WLS: variants seen among roughly 807,000 people sequenced by gnomAD.
WLS encodes Wnt ligand secretion mediator.
A neutral mutation model predicts 62.8 loss-of-function variants in WLS; 23 were observed. That is an observed-to-expected ratio of 0.37 (90% CI 0.26 to 0.52). WLS has a LOEUF of 0.52. WLS is among the 20% of genes least tolerant of loss of function. The pLI is 0.92. For missense variants in WLS, 615 were observed against 697.3 expected (o/e 0.88, Z 1.33); for synonymous variants, 246 against 244.1 (o/e 1.01, Z -0.07).
rs1169986027 is a variant in WLS at position 68,126,283 on chromosome 1, G to A, written c.1569C>T (p.Thr523=). ...GEELQLTTTI[T]HVDGPTEIYK... ...AGATCTCAGTGGGTCCGTCCACATG[G>A]GTGATAGTGGTGGTGAGCTGGAGTT... is the stretch of plus-strand genomic sequence containing the variant. Residue 523 remains threonine, a synonymous_variant, in exon 12 of 12, where the codon ACC becomes ACT. Transcript: ENST00000262348. The A allele has an allele frequency of 6.2e-7, 1 of 1,612,292 alleles. No individual in the cohort carries two copies. The highest frequency in any genetic ancestry group is 1.7e-5 in the Admixed American group (1 of 59,854).
intron 2 of WLS, among the ~76,000 whole-genome samples, chr1:68,173,355 T>A (rs1402044283): frequency 6.6e-6 from 1 of 152,170 alleles, no homozygotes; most frequent in Non-Finnish European, 1.5e-5. Context: ...ACACTGTCAG[T>A]ACACAGAGCA....
intron 11 of WLS, among the ~76,000 whole-genome samples, chr1:68,102,038 C>CTG (rs1394087451): frequency 2.0e-5 from 3 of 152,174 alleles, no homozygotes; most frequent in African/African-American, 7.2e-5. Flanking sequence ...GCTGCAGACT[C>CTG]TGCACACACA....
At chr1:68,228,527 A>T (rs1650260151) in intron 1 of WLS, among the ~76,000 whole-genome samples, 1 of 152,204 alleles carries the variant, frequency 6.6e-6, no homozygotes, top group Admixed American at 6.5e-5. Flanking sequence ...CCAACATGAA[A>T]TCAAAAGAGA....
At chr1:68,151,339 G>T (rs1228458104) in intron 5 of WLS, among the ~76,000 whole-genome samples, 1 of 152,168 alleles carries the variant, frequency 6.6e-6, no homozygotes, top group Non-Finnish European at 1.5e-5. Flanking sequence ...TGCTCATGAA[G>T]AAACTTGCAT....
intron 1 of WLS, among the ~76,000 whole-genome samples, chr1:68,225,943 GC>G (rs1650122817): frequency 6.6e-6 from 1 of 152,172 alleles, no homozygotes; most frequent in Non-Finnish European, 1.5e-5. Flanking sequence ...TAACTTGGCT[GC>G]TTTAGTCAAT....
rs375237118 is a variant in WLS at position 68,127,915 on chromosome 1, G to A, written c.1517-1580C>T. Among the ~76,000 whole-genome samples, 12 of 152,156 alleles carry A rather than the reference G, an allele frequency of 7.9e-5. 1 individual carries two copies. The South Asian group carries it at 2.1e-3, about 26-fold the overall frequency. ...AGGCTGCTTGGCTGGTTCCCTTCAC[G>A]TGTGCCACGCAGTATTAGTTTCTCA... is the stretch of plus-strand genomic sequence containing the variant. On this transcript the variant is annotated intron_variant, in intron 11 of 11. Transcript: ENST00000262348.
At chr1:68,201,573 C>A (rs538787725) in intron 1 of WLS, among the ~76,000 whole-genome samples, 4 of 152,202 alleles carry the variant, frequency 2.6e-5, no homozygotes, top group Non-Finnish European at 4.4e-5. Flanking sequence ...AGAGACTAGA[C>A]CAGAAGTGAT....
intron 3 of WLS, among the ~76,000 whole-genome samples, chr1:68,158,120 T>G (rs1405979339): frequency 1.3e-5 from 2 of 152,158 alleles, no homozygotes; most frequent in Non-Finnish European, 2.9e-5. Flanking sequence ...CTCTCAAACT[T>G]CATAGAGTTT....
At chr1:68,231,501 C>A in intron 1 of WLS, 1 of 305,022 alleles carries the variant, frequency 3.3e-6, no homozygotes, top group Non-Finnish European at 6.6e-6. Flanking sequence ...TTTTCCCCTC[C>A]GACCTCTCCA....
chr1:68,155,090 T>A lies in WLS; in HGVS notation c.666+9A>T, dbSNP rs375788544. 1.9e-6 allele frequency: 3 copies of A among 1,612,486 alleles called. No homozygotes were observed. The African/African-American group carries it at 4.0e-5, about 22-fold the overall frequency. On this transcript the variant is annotated intron_variant, in intron 4 of 11. Coordinates refer to ENST00000262348, the MANE Select transcript of WLS (RefSeq NM_024911.7). ...AATACACATGTCAAGATCAATTACA[T>A]TCACTTACCACCAACCGGATATCCT...
At chr1:68,108,339 TCA>T (rs1023306151) in intron 11 of WLS, among the ~76,000 whole-genome samples, 1 of 152,242 alleles carries the variant, frequency 6.6e-6, no homozygotes, top group African/African-American at 2.4e-5. Flanking sequence ...TCTCAGATTT[TCA>T]GTTTCTTCAT....
intron 11 of WLS, among the ~76,000 whole-genome samples, chr1:68,130,263 G>C (rs940421091): frequency 1.3e-5 from 2 of 152,118 alleles, no homozygotes; most frequent in Admixed American, 1.3e-4. Context: ...GGGAGAGATC[G>C]GAGGTACCAC....
chr1:68,113,287 C>A (rs985137892), intron 11 of WLS, among the ~76,000 whole-genome samples: 1 of 152,090 alleles, frequency 6.6e-6, no homozygotes, highest in African/African-American at 2.4e-5. Flanking sequence ...TGCAAAGGAC[C>A]TTTGGTGAGT....
intron 1 of WLS, among the ~76,000 whole-genome samples, chr1:68,218,648 C>A (rs903025555): frequency 3.9e-5 from 6 of 152,158 alleles, no homozygotes; most frequent in Non-Finnish European, 7.3e-5. Context: ...ATCCCTGTTC[C>A]CGCCTCGCAC....
chr1:68,228,512 T>G (rs1016478319), intron 1 of WLS, among the ~76,000 whole-genome samples: 4 of 152,138 alleles, frequency 2.6e-5, no homozygotes, highest in African/African-American at 9.7e-5. Flanking sequence ...AGGAGCTAAA[T>G]TCACCCAACA....
At chr1:68,154,705 A>G (rs1020447797) in intron 4 of WLS, among the ~76,000 whole-genome samples, 36 of 152,338 alleles carry the variant, frequency 2.4e-4, no homozygotes, top group African/African-American at 8.4e-4. Flanking sequence ...AGCAAGTTCT[A>G]ACTTTTCCCC....
chr1:68,102,045 C>T (rs1159258366), intron 11 of WLS, among the ~76,000 whole-genome samples: 1 of 152,174 alleles, frequency 6.6e-6, no homozygotes, highest in Non-Finnish European at 1.5e-5. Flanking sequence ...ACTCTGCACA[C>T]ACAGGTGAAG....
chr1:68,195,494 A>C (rs1351092686), intron 1 of WLS, among the ~76,000 whole-genome samples: 1 of 152,226 alleles, frequency 6.6e-6, no homozygotes. Flanking sequence ...TTTTCTTTAT[A>C]ATTAAAATCT....
At chr1:68,099,764 G>A (rs941149390) in intron 11 of WLS, 3 of 152,116 alleles carry the variant, frequency 2.0e-5, no homozygotes, top group Non-Finnish European at 2.9e-5. Flanking sequence ...CGGAACCTGC[G>A]GATACAGAGG....
Sources: gnomAD v4.1 joint callset for allele counts (sites outside exome capture counted in the v4.1 genomes callset) on GRCh38, gnomAD v4.1.1 for gene constraint, MANE v1.5 for transcripts, NCBI Gene and HGNC (gene_info 2026-07-23, HGNC 2026-07-21) for gene names.